The following WDR72 variants were observed in gnomAD, a reference collection of about 807,000 sequenced individuals.
WDR72 encodes the protein WD repeat domain 72, also known as WD repeat-containing protein 72.
In WDR72, 120 loss-of-function variants were observed where a neutral mutation model predicts 124.2. The observed-to-expected ratio is 0.97, with a 90% CI of 0.83 to 1.12. The LOEUF is 1.12. WDR72 is among the 50% of genes most tolerant of loss of function. WDR72 has a pLI of 0.00. For missense variants in WDR72, 1,387 were observed against 1,278.8 expected, an observed-to-expected ratio of 1.08 and a Z score of -1.29; for synonymous variants, 452 against 441.7, an observed-to-expected ratio of 1.02 and a Z score of -0.29.
intron 9 of WDR72, among the ~76,000 whole-genome samples, chr15:53,707,385 A>G (rs1418051508): frequency 6.6e-6 from 1 of 152,212 alleles, no homozygotes; most frequent in Non-Finnish European, 1.5e-5. Flanking sequence ...CGTATAATTA[A>G]TTCCCTATAG....
rs148257922 is a variant in WDR72 at position 53,655,681 on chromosome 15, G to A, written c.1962+9891C>T. Among the ~76,000 whole-genome samples, 342 of 151,806 alleles carry A rather than the reference G, an allele frequency of 2.3e-3. 3 individuals are homozygous for A. The highest frequency in any genetic ancestry group is 8.0e-3 in the African/African-American group (331 of 41,420). On this transcript the variant is annotated intron_variant, in intron 14 of 19. Transcript: ENST00000360509. ...TGGGAGCTCAGAAGAAAGTAATGAA[G>A]GTGAGCAGGACTTTGCATTTTGTAA...
At chr15:53,701,572 C>CAG (rs2017180513) in intron 12 of WDR72, among the ~76,000 whole-genome samples, 1 of 151,344 alleles carries the variant, frequency 6.6e-6, no homozygotes, top group Non-Finnish European at 1.5e-5. Flanking sequence ...CACACACACA[C>CAG]ACACACACAC....
At chr15:53,733,198 T>A in intron 1 of WDR72, 37 bp from the exon 2 acceptor site, 1 of 1,610,152 alleles carries the variant, frequency 6.2e-7, no homozygotes, top group South Asian at 1.1e-5. Flanking sequence ...TACATGGTCA[T>A]CTTTTTGAAA....
At chr15:53,650,282 A>C (rs913227655) in intron 14 of WDR72, among the ~76,000 whole-genome samples, 4 of 152,296 alleles carry the variant, frequency 2.6e-5, no homozygotes, top group East Asian at 1.9e-4. Context: ...CTAGGGGCTT[A>C]AGTTATTAAT....
intron 13 of WDR72, among the ~76,000 whole-genome samples, chr15:53,679,952 A>AAAAG (rs899733322): frequency 1.3e-5 from 2 of 151,352 alleles, no homozygotes; most frequent in African/African-American, 4.9e-5. Context: ...AGCAAAAAAA[A>AAAAG]AAAGAAAAGG....
intron 3 of WDR72, among the ~76,000 whole-genome samples, chr15:53,721,811 C>A (rs1368822558): frequency 6.6e-6 from 1 of 152,036 alleles, no homozygotes; most frequent in African/African-American, 2.4e-5. Flanking sequence ...ATATGACATT[C>A]CTGAGTATAT....
At chr15:53,683,739 A>T (rs1043413996) in intron 13 of WDR72, among the ~76,000 whole-genome samples, 1 of 152,180 alleles carries the variant, frequency 6.6e-6, no homozygotes, top group Non-Finnish European at 1.5e-5. Flanking sequence ...GAGGAAGAAG[A>T]GATCTAATCA....
At chr15:53,556,768 T>A (rs1893948629) in intron 18 of WDR72, among the ~76,000 whole-genome samples, 1 of 152,126 alleles carries the variant, frequency 6.6e-6, no homozygotes, top group African/African-American at 2.4e-5. Flanking sequence ...ATAGGCTTTC[T>A]ACAACATGGT....
chr15:53,693,566 A>T (rs573210256), intron 13 of WDR72, among the ~76,000 whole-genome samples: 4 of 152,298 alleles, frequency 2.6e-5, no homozygotes, highest in Admixed American at 2.6e-4. Flanking sequence ...AAAACTTTTT[A>T]AAATTAGTTA....
chr15:53,705,150 AG>A lies in WDR72; in HGVS notation c.1185del (p.Ser396LeufsTer11). On this transcript the variant is annotated frameshift_variant, in exon 11 of 20. Coordinates refer to ENST00000360509, the MANE Select transcript of WDR72 (RefSeq NM_182758.4). LOFTEE classifies it high-confidence loss of function. ...GTTCCTGCCCCATCTTTAAGCCCAG[AG>A]AAATAGTCAATAATACTTTGTGACA... ...DTMSQSIIDY[F>X]SGLKDGAGTA... The A allele has an allele frequency of 6.2e-7, 1 of 1,614,128 alleles. No individual in the cohort carries two copies. Among genetic ancestry groups the A allele is most frequent in the Non-Finnish European group, 8.5e-7 (1 of 1,180,020 alleles).
intron 14 of WDR72, among the ~76,000 whole-genome samples, chr15:53,633,818 G>A (rs16966340): frequency 0.068 from 10,355 of 152,134 alleles, 1,158 homozygotes; most frequent in African/African-American, 0.24. Flanking sequence ...CTGCATTTAT[G>A]AACTAGAAAG....
At chr15:53,550,996 G>C (rs1893705075) in intron 18 of WDR72, among the ~76,000 whole-genome samples, 1 of 152,156 alleles carries the variant, frequency 6.6e-6, no homozygotes, top group Non-Finnish European at 1.5e-5. Context: ...AATATGGAGT[G>C]AACCTAATGA....
At chr15:53,617,258 A>AATAT (rs1595796859) in intron 14 of WDR72, among the ~76,000 whole-genome samples, 2 of 151,812 alleles carry the variant, frequency 1.3e-5, no homozygotes, top group East Asian at 3.9e-4. Context: ...TGTATATATA[A>AATAT]ATATACATAT....
Position 53,613,653 on chromosome 15 carries a change from G to C in WDR72, c.2872+13C>G. On this transcript the variant is annotated intron_variant, in intron 16 of 19. Coordinates refer to ENST00000360509, the MANE Select transcript of WDR72 (RefSeq NM_182758.4). ...AAAAAATCAGATCATATCTGTGCCAGTAACTCTCTTACCATTTCGTAAGCA... is the reference window on the plus strand; with the variant it reads ...AAAAAATCAGATCATATCTGTGCCACTAACTCTCTTACCATTTCGTAAGCA... 6.3e-7 allele frequency: 1 copy of C among 1,582,624 alleles called. No individual in the cohort carries two copies. The highest frequency in any genetic ancestry group is 8.7e-7 in the Non-Finnish European group (1 of 1,153,448).
chr15:53,750,147 G>A (rs891215657), intron 1 of WDR72, among the ~76,000 whole-genome samples: 14 of 152,174 alleles, frequency 9.2e-5, no homozygotes, highest in Non-Finnish European at 1.9e-4. Context: ...TTGCTAGCTA[G>A]AATGGAGAAG....
intron 14 of WDR72, among the ~76,000 whole-genome samples, chr15:53,636,055 T>C (rs2014611123): frequency 6.6e-6 from 1 of 152,206 alleles, no homozygotes; most frequent in Non-Finnish European, 1.5e-5. Flanking sequence ...TTTTCTTTTA[T>C]TGCTTCAGTG....
rs754868133 is a variant in WDR72, at chr15:53,702,264, C to T, written c.1439G>A (p.Ser480Asn). The T allele has an allele frequency of 1.9e-6, 3 of 1,614,130 alleles. No individual in the cohort carries two copies. The highest frequency in any genetic ancestry group is 1.1e-5 in the South Asian group (1 of 91,078). Reference protein sequence around the residue: ...PHGLSSKLDQSWMLSGDLDSC... With the variant: ...PHGLSSKLDQNWMLSGDLDSC... ...GTCCAGGTCCCCAGACAACATCCAA[C>T]TTTGGTCTAATTTCGAAGAGAGACC... Residue 480 changes from serine (S) to asparagine (N), a missense_variant, in exon 12 of 20, where the codon AGT becomes AAT. Physicochemically the swap from Ser to Asn is conservative, Grantham distance 46 (BLOSUM62 1). Transcript: ENST00000360509.
chr15:53,616,271 A>G (rs2013764567), intron 14 of WDR72, 28 bp from the exon 15 acceptor site: 2 of 1,556,322 alleles, frequency 1.3e-6, no homozygotes, highest in Admixed American at 1.7e-5. Context: ...ATTTGTGTCA[A>G]AGTTCTTGCT....
At chr15:53,546,991 A>G (rs568141098) in intron 18 of WDR72, among the ~76,000 whole-genome samples, 2 of 152,344 alleles carry the variant, frequency 1.3e-5, no homozygotes, top group South Asian at 4.1e-4. Context: ...GACAAAATTA[A>G]ATGTCCATTT....
Sources: gnomAD v4.1 joint callset for allele counts (sites outside exome capture counted in the v4.1 genomes callset) on GRCh38, gnomAD v4.1.1 for gene constraint, MANE v1.5 for transcripts, NCBI Gene and HGNC (gene_info 2026-07-23, HGNC 2026-07-21) for gene names.